Variants in TANC1 observed in about 807,000 individuals in gnomAD.
TANC1 encodes protein TANC1.
Under a neutral mutation model 149.7 loss-of-function variants are expected in TANC1, and 77 were observed. The observed-to-expected ratio is 0.51, with a 90% CI of 0.43 to 0.62. The LOEUF is 0.62. TANC1 is among the 20% of genes least tolerant of loss of function. The pLI is 0.00. For synonymous variants in TANC1, 854 were observed against 925.0 expected (o/e 0.92, Z 1.39); for missense variants, 1,985 against 2,321.8 (o/e 0.85, Z 2.98).
At chr2:159,050,117 A>AT (rs1371350850) in intron 2 of TANC1, among the ~76,000 whole-genome samples, 31 of 151,876 alleles carry the variant, frequency 2.0e-4, no homozygotes, top group African/African-American at 6.8e-4. Context: ...TAGTGACATA[A>AT]TTTTTTTTGT....
At chr2:159,123,777 C>T (rs950334927) in intron 4 of TANC1, among the ~76,000 whole-genome samples, 1 of 152,198 alleles carries the variant, frequency 6.6e-6, no homozygotes, top group Non-Finnish European at 1.5e-5. Context: ...AGAAGCTAAA[C>T]AGAGACAAAG....
chr2:159,190,313 T>C (rs1052358426), intron 16 of TANC1, among the ~76,000 whole-genome samples: 3 of 152,218 alleles, frequency 2.0e-5, no homozygotes, highest in Non-Finnish European at 2.9e-5. Context: ...TGTAACTGGC[T>C]GGCAAAATTA....
intron 1 of TANC1, among the ~76,000 whole-genome samples, chr2:158,983,274 T>C (rs2034586699): frequency 6.6e-6 from 1 of 151,976 alleles, no homozygotes; most frequent in Non-Finnish European, 1.5e-5. Context: ...GAGACCATCT[T>C]GGCTAACACA....
At chr2:158,976,537 T>C (rs147685040) in intron 1 of TANC1, among the ~76,000 whole-genome samples, 247 of 152,338 alleles carry the variant, frequency 1.6e-3, no homozygotes, top group African/African-American at 5.7e-3. Context: ...AATGTTCTTA[T>C]GAGTTTAGAA....
At chr2:159,174,892 G>C in intron 11 of TANC1, 61 bp from the exon 12 acceptor site, 1 of 1,307,556 alleles carries the variant, frequency 7.6e-7, no homozygotes, top group East Asian at 2.3e-5. Flanking sequence ...TCCTGTTTGA[G>C]ATTGCAGAAG....
In TANC1 at chr2:159,071,626, C is replaced by T. The variant is rs114875294; in HGVS notation, c.61+5655C>T. ...TGATTGTTAAACTTGGTATTTTAAGCCATTCCAGGCTGCAGCCTGGCTTTC... is the reference window on the plus strand; with the variant it reads ...TGATTGTTAAACTTGGTATTTTAAGTCATTCCAGGCTGCAGCCTGGCTTTC... On this transcript the variant is annotated intron_variant, in intron 3 of 26. Coordinates refer to ENST00000263635, the MANE Select transcript of TANC1 (RefSeq NM_033394.3). 6.3e-3 allele frequency among the ~76,000 whole-genome samples: 963 copies of T among 152,286 alleles called. 7 individuals are homozygous for T. Among genetic ancestry groups the T allele is most frequent in the Non-Finnish European group, 0.011 (716 of 68,022 alleles).
chr2:159,063,055 C>A (rs1331789467), intron 2 of TANC1, among the ~76,000 whole-genome samples: 1 of 148,994 alleles, frequency 6.7e-6, no homozygotes, highest in Non-Finnish European at 1.5e-5. Context: ...TTAATTTATT[C>A]TCAGAATTGT....
chr2:159,098,833 T>C (rs264635), intron 4 of TANC1, among the ~76,000 whole-genome samples: 5,995 of 152,118 alleles, frequency 0.039, 274 homozygotes, highest in East Asian at 0.14. Context: ...TTCTTGGATT[T>C]TTTTTTTTTA....
At chr2:159,051,270 C>T (rs1035291945) in intron 2 of TANC1, among the ~76,000 whole-genome samples, 1 of 152,182 alleles carries the variant, frequency 6.6e-6, no homozygotes, top group Non-Finnish European at 1.5e-5. Flanking sequence ...AGAATGTTCT[C>T]ATTGTGGAAA....
chr2:159,128,140 T>A (rs1204164768), intron 4 of TANC1, among the ~76,000 whole-genome samples: 1 of 152,234 alleles, frequency 6.6e-6, no homozygotes, highest in Non-Finnish European at 1.5e-5. Context: ...CAGTCTGAAT[T>A]TCCCTAGATC....
At chr2:159,040,727 G>A (rs2040564384) in intron 2 of TANC1, among the ~76,000 whole-genome samples, 1 of 152,156 alleles carries the variant, frequency 6.6e-6, no homozygotes, top group African/African-American at 2.4e-5. Flanking sequence ...GCTTGGAGAA[G>A]TTTGTTATTA....
intron 18 of TANC1, 27 bp from the exon 19 acceptor site, chr2:159,198,948 A>G (rs2058056357): frequency 2.5e-6 from 4 of 1,587,570 alleles, no homozygotes; most frequent in Non-Finnish European, 3.5e-6. Context: ...AAGAGAACTC[A>G]TTAAATCACC....
chr2:159,061,263 T>G (rs1360123351), intron 2 of TANC1, among the ~76,000 whole-genome samples: 3 of 152,188 alleles, frequency 2.0e-5, no homozygotes, highest in Admixed American at 6.5e-5. Flanking sequence ...TTCCTTTTGT[T>G]GGGGCTCAGG....
intron 19 of TANC1, among the ~76,000 whole-genome samples, chr2:159,207,714 A>AAAAAAAC (rs1485929691): frequency 6.7e-6 from 1 of 149,502 alleles, no homozygotes; most frequent in African/African-American, 2.5e-5. Flanking sequence ...AAAAAAAAAA[A>AAAAAAAC]AAAAAAAAAA....
At chr2:158,992,637 G>A (rs2035752371) in intron 1 of TANC1, among the ~76,000 whole-genome samples, 1 of 151,082 alleles carries the variant, frequency 6.6e-6, no homozygotes, top group Admixed American at 6.6e-5. Context: ...TGAGTAGCTG[G>A]GACTACAGGC....
At chr2:159,040,623 G>A (rs560612490) in intron 2 of TANC1, among the ~76,000 whole-genome samples, 23 of 152,218 alleles carry the variant, frequency 1.5e-4, no homozygotes, top group African/African-American at 5.3e-4. Flanking sequence ...GTCATTTAAG[G>A]TCTTCTCTAT....
At chr2:159,035,170 A>G (rs1036642779) in intron 2 of TANC1, among the ~76,000 whole-genome samples, 1 of 152,218 alleles carries the variant, frequency 6.6e-6, no homozygotes, top group East Asian at 1.9e-4. Context: ...CAAGAAAGTG[A>G]TGACCACGAG....
chr2:159,005,136 C>T (rs1229424245), intron 2 of TANC1, among the ~76,000 whole-genome samples: 1 of 152,190 alleles, frequency 6.6e-6, no homozygotes, highest in Non-Finnish European at 1.5e-5. Context: ...GTTCCTTGCC[C>T]TCATTCCGAT....
intron 19 of TANC1, among the ~76,000 whole-genome samples, chr2:159,214,223 G>A (rs1195193424): frequency 6.6e-6 from 1 of 151,898 alleles, no homozygotes; most frequent in Non-Finnish European, 1.5e-5. Flanking sequence ...TAAATAAGCT[G>A]CATTTAAAAA....
Sources: gnomAD v4.1 joint callset for allele counts (sites outside exome capture counted in the v4.1 genomes callset) on GRCh38, gnomAD v4.1.1 for gene constraint, MANE v1.5 for transcripts, NCBI Gene and HGNC (gene_info 2026-07-23, HGNC 2026-07-21) for gene names.